The following SGCZ variants were observed in gnomAD, a reference collection of about 807,000 sequenced individuals.
The protein encoded by SGCZ is sarcoglycan zeta.
Under a neutral mutation model 41.3 loss-of-function variants are expected in SGCZ, and 40 were observed. The ratio of observed to expected loss-of-function variants is 0.97; its 90% CI spans 0.75 to 1.26. SGCZ has a LOEUF of 1.26. Among genes scored for constraint, SGCZ ranks in the 50% most tolerant of loss-of-function variants. The probability of loss-of-function intolerance (pLI) is 0.00; values close to 1 mark genes in which losing one functional copy is unlikely to be tolerated. For missense variants in SGCZ, 552 were observed against 369.8 expected, an observed-to-expected ratio of 1.49 and a Z score of -4.04; for synonymous variants, 206 against 137.5, an observed-to-expected ratio of 1.50 and a Z score of -3.49.
At chr8:14,744,532 T>G (rs988463939) in intron 1 of SGCZ, among the ~76,000 whole-genome samples, 1 of 152,116 alleles carries the variant, frequency 6.6e-6, no homozygotes, top group Admixed American at 6.6e-5. Flanking sequence ...TGAATTTATT[T>G]AGAAATAAAA....
intron 2 of SGCZ, among the ~76,000 whole-genome samples, chr8:14,373,885 T>A (rs1804005900): frequency 6.6e-6 from 1 of 152,106 alleles, no homozygotes; most frequent in African/African-American, 2.4e-5. Flanking sequence ...GGACTTAATA[T>A]CTAGTTGATG....
chr8:15,005,646 TTC>T (rs1491011604), intron 1 of SGCZ, among the ~76,000 whole-genome samples: 27 of 146,392 alleles, frequency 1.8e-4, no homozygotes, highest in Middle Eastern at 3.7e-3. Context: ...CCCATTTTTT[TTC>T]TTTTACCAGA....
chr8:14,521,554 T>C (rs1052729672), intron 2 of SGCZ, among the ~76,000 whole-genome samples: 10 of 152,142 alleles, frequency 6.6e-5, no homozygotes, highest in African/African-American at 2.2e-4. Flanking sequence ...CATCAATCTA[T>C]TGATAAACAT....
chr8:14,637,804 G>A (rs1806883309), intron 1 of SGCZ, among the ~76,000 whole-genome samples: 1 of 151,698 alleles, frequency 6.6e-6, no homozygotes, highest in South Asian at 2.1e-4. Flanking sequence ...TCTTTTTGGT[G>A]GAACAATTTA....
At chr8:15,177,039 G>T (rs1465653782) in intron 1 of SGCZ, among the ~76,000 whole-genome samples, 2 of 152,078 alleles carry the variant, frequency 1.3e-5, no homozygotes, top group Non-Finnish European at 2.9e-5. Flanking sequence ...GACACTATAT[G>T]AAAACTATAT....
intron 2 of SGCZ, among the ~76,000 whole-genome samples, chr8:14,403,689 C>T (rs570039065): frequency 6.6e-6 from 1 of 152,076 alleles, no homozygotes; most frequent in Non-Finnish European, 1.5e-5. Flanking sequence ...GTATTTCTCA[C>T]AGTATTATAC....
intron 2 of SGCZ, among the ~76,000 whole-genome samples, chr8:14,374,322 G>A (rs1343180545): frequency 6.6e-6 from 1 of 152,150 alleles, no homozygotes; most frequent in Non-Finnish European, 1.5e-5. Context: ...ACCAGTATGG[G>A]TGACAGAGAG....
intron 5 of SGCZ, among the ~76,000 whole-genome samples, chr8:14,139,272 C>A (rs1173824390): frequency 6.6e-6 from 1 of 152,038 alleles, no homozygotes; most frequent in Admixed American, 6.6e-5. Context: ...CCTAACGTCA[C>A]AATTAAAAGA....
chr8:14,156,664 T>A (rs925994807), intron 5 of SGCZ, among the ~76,000 whole-genome samples: 1 of 152,196 alleles, frequency 6.6e-6, no homozygotes, highest in African/African-American at 2.4e-5. Flanking sequence ...TCAAAACTAT[T>A]TTCTTTCTTT....
intron 1 of SGCZ, among the ~76,000 whole-genome samples, chr8:15,159,048 G>C (rs1799418632): frequency 2.0e-5 from 3 of 152,176 alleles, no homozygotes; most frequent in Admixed American, 2.0e-4. Flanking sequence ...ATGGGAGCTG[G>C]TCACCTGAAA....
At chr8:14,439,299 T>C (rs926366680) in intron 2 of SGCZ, among the ~76,000 whole-genome samples, 10 of 122,220 alleles carry the variant, frequency 8.2e-5, no homozygotes, top group African/African-American at 2.6e-4. Flanking sequence ...AGAAAATATA[T>C]AGAAGAAAGA....
intron 6 of SGCZ, among the ~76,000 whole-genome samples, chr8:14,104,980 G>A (rs1001444819): frequency 6.6e-6 from 1 of 151,978 alleles, no homozygotes; most frequent in Non-Finnish European, 1.5e-5. Context: ...TGTATAATTA[G>A]TTTCATCACT....
intron 5 of SGCZ, among the ~76,000 whole-genome samples, chr8:14,153,433 C>T (rs1189358437): frequency 6.6e-6 from 1 of 152,078 alleles, no homozygotes; most frequent in Non-Finnish European, 1.5e-5. Flanking sequence ...AGTTACCTAA[C>T]CTGGTCAGAG....
intron 1 of SGCZ, among the ~76,000 whole-genome samples, chr8:14,679,277 T>C (rs1372060638): frequency 6.6e-6 from 1 of 151,728 alleles, no homozygotes; most frequent in African/African-American, 2.4e-5. Context: ...TGCATACATA[T>C]TTTTTTTAAA....
At chr8:14,376,493 T>A (rs1251046894) in intron 2 of SGCZ, among the ~76,000 whole-genome samples, 1 of 152,146 alleles carries the variant, frequency 6.6e-6, no homozygotes, top group Non-Finnish European at 1.5e-5. Flanking sequence ...ATTAACTTCT[T>A]CATCAGAGAT....
chr8:14,376,984 T>G (rs535815859), intron 2 of SGCZ, among the ~76,000 whole-genome samples: 5 of 152,212 alleles, frequency 3.3e-5, no homozygotes, highest in Non-Finnish European at 7.3e-5. Context: ...ATTTCCTGAT[T>G]GATGAGGTGA....
intron 1 of SGCZ, among the ~76,000 whole-genome samples, chr8:14,847,185 A>AGAAGAAGAAGAAGAAG (rs1303419499): frequency 9.4e-5 from 14 of 148,390 alleles, no homozygotes; most frequent in African/African-American, 3.6e-4. Context: ...AAGAAGAAGA[A>AGAAGAAGAAGAAGAAG]GAGAAAAATA....
At position 14,103,436 on chromosome 8, in the gene SGCZ, C is replaced by T. The variant is rs1195375522; in HGVS notation, c.621-937G>A. On this transcript the variant is annotated intron_variant, in intron 6 of 7. Coordinates refer to ENST00000382080, the MANE Select transcript of SGCZ (RefSeq NM_139167.4). ...CCACAGGACTTTAAGAGGAGGGTCC[C>T]CTCGGGCTCACATTCACTGTTATCC... Among the ~76,000 whole-genome samples the T allele has an allele frequency of 2.0e-5, 3 of 152,178 alleles. No homozygotes were observed. The East Asian group carries it at 5.8e-4, about 30-fold the overall frequency.
At chr8:14,901,133 C>G (rs1450346691) in intron 1 of SGCZ, among the ~76,000 whole-genome samples, 1 of 152,200 alleles carries the variant, frequency 6.6e-6, no homozygotes, top group African/African-American at 2.4e-5. Flanking sequence ...AAATATCAAT[C>G]TAATTATACA....
Sources: gnomAD v4.1 joint callset for allele counts (sites outside exome capture counted in the v4.1 genomes callset) on GRCh38, gnomAD v4.1.1 for gene constraint, MANE v1.5 for transcripts, NCBI Gene and HGNC (gene_info 2026-07-23, HGNC 2026-07-21) for gene names.